Variants in MYO5A observed in about 807,000 individuals in gnomAD.
The protein encoded by MYO5A is unconventional myosin-Va.
MYO5A carries 98 observed loss-of-function variants against 249.7 expected under a neutral mutation model. The observed-to-expected ratio is 0.39, with a 90% CI of 0.33 to 0.46. The LOEUF (loss-of-function observed/expected upper bound fraction) is 0.46, where lower values mean the gene tolerates loss of function less well. Ranked by LOEUF, MYO5A falls within the 20% of genes least tolerant of loss-of-function variation. The pLI, the probability that MYO5A is intolerant of heterozygous loss-of-function variation, is 0.98. For missense variants in MYO5A, 1,696 were observed against 2,308.8 expected (o/e 0.73, Z 5.44); for synonymous variants, 778 against 810.6 (o/e 0.96, Z 0.68).
At chr15:52,324,001 TCAAAAAAAAAAAAAA>T (rs1465310415) in intron 36 of MYO5A, 1 of 11,180 alleles carries the variant, frequency 8.9e-5, no homozygotes, top group African/African-American at 1.7e-4. Flanking sequence ...AGACTCTGTC[TCAAAAAAAAAAAAAA>T]AAAAAAAAAA....
intron 20 of MYO5A, among the ~76,000 whole-genome samples, chr15:52,374,660 C>T (rs545264011): frequency 6.6e-6 from 1 of 152,330 alleles, no homozygotes; most frequent in Admixed American, 6.5e-5. Context: ...GATGTGGCTA[C>T]AAGCACAGGA....
intron 9 of MYO5A, among the ~76,000 whole-genome samples, chr15:52,398,764 G>A (rs1231835507): frequency 6.6e-6 from 1 of 152,196 alleles, no homozygotes; most frequent in Non-Finnish European, 1.5e-5. Context: ...TAAGGCAGGA[G>A]GATCACCTGA....
intron 36 of MYO5A, chr15:52,323,801 G>A (rs2038447458): frequency 3.3e-6 from 1 of 300,020 alleles, no homozygotes; most frequent in Non-Finnish European, 6.5e-6. Flanking sequence ...GTCAGGAGTT[G>A]GAGACCAGCC....
chr15:52,392,587 G>A (rs146116774), intron 11 of MYO5A, among the ~76,000 whole-genome samples: 1 of 152,324 alleles, frequency 6.6e-6, no homozygotes, highest in East Asian at 1.9e-4. Context: ...GATTATCTGT[G>A]ATAGTCATGG....
chr15:52,482,427 A>G (rs1035483073), intron 1 of MYO5A, among the ~76,000 whole-genome samples: 1 of 152,220 alleles, frequency 6.6e-6, no homozygotes, highest in East Asian at 1.9e-4. Flanking sequence ...AGAGGAGTCA[A>G]CATGATCCAT....
chr15:52,359,939 A>G (rs751384862), intron 25 of MYO5A, 29 bp downstream of exon 25: 22 of 1,483,722 alleles, frequency 1.5e-5, no homozygotes, highest in Non-Finnish European at 1.9e-5. Context: ...CTCATATCCT[A>G]CTTTCAGTGA....
intron 1 of MYO5A, among the ~76,000 whole-genome samples, chr15:52,470,353 T>G (rs1043627105): frequency 7.9e-5 from 12 of 152,196 alleles, no homozygotes; most frequent in Admixed American, 4.6e-4. Flanking sequence ...CAAAGGAACT[T>G]TAAAAGGCCA....
chr15:52,334,414 A>G (rs1489829257), intron 34 of MYO5A, among the ~76,000 whole-genome samples: 1 of 152,232 alleles, frequency 6.6e-6, no homozygotes, highest in East Asian at 1.9e-4. Flanking sequence ...TTCTCTGAAT[A>G]AAGATTTTTA....
At chr15:52,373,168 C>A (rs1478098650) in intron 20 of MYO5A, among the ~76,000 whole-genome samples, 1 of 151,464 alleles carries the variant, frequency 6.6e-6, no homozygotes, top group Non-Finnish European at 1.5e-5. Context: ...GTTACATTTC[C>A]TAAAAAAAAA....
chr15:52,415,642 TTAGC>T (rs1196780689), intron 5 of MYO5A, among the ~76,000 whole-genome samples: 1 of 152,186 alleles, frequency 6.6e-6, no homozygotes, highest in Non-Finnish European at 1.5e-5. Flanking sequence ...AATTAAAACT[TTAGC>T]TATATTAAAA....
intron 1 of MYO5A, among the ~76,000 whole-genome samples, chr15:52,496,587 AGAG>A (rs1384504861): frequency 1.3e-5 from 2 of 152,226 alleles, no homozygotes; most frequent in Non-Finnish European, 2.9e-5. Context: ...ACAGGGATCT[AGAG>A]GAGCTTTGAA....
At chr15:52,366,031 T>G (rs975771199) in intron 23 of MYO5A, among the ~76,000 whole-genome samples, 2 of 152,134 alleles carry the variant, frequency 1.3e-5, no homozygotes, top group African/African-American at 4.8e-5. Flanking sequence ...TTTTCTTCTC[T>G]TTCCTCAGTA....
chr15:52,398,168 C>T (rs1256493371), intron 9 of MYO5A, among the ~76,000 whole-genome samples: 1 of 152,124 alleles, frequency 6.6e-6, no homozygotes, highest in Non-Finnish European at 1.5e-5. Context: ...TGGTCTTTAT[C>T]CTTGAAGCAA....
intron 1 of MYO5A, among the ~76,000 whole-genome samples, chr15:52,501,173 T>A (rs1366067561): frequency 6.6e-6 from 1 of 151,944 alleles, no homozygotes; most frequent in Non-Finnish European, 1.5e-5. Flanking sequence ...GGGATTTACC[T>A]TGTTAGCCAG....
chr15:52,441,041 G>T (rs550104575), intron 1 of MYO5A, among the ~76,000 whole-genome samples: 1 of 152,296 alleles, frequency 6.6e-6, no homozygotes, highest in East Asian at 1.9e-4. Context: ...AAGCAGGGAA[G>T]AAATCCTGAA....
chr15:52,418,062 G>A (rs1815176), intron 4 of MYO5A, among the ~76,000 whole-genome samples: 22,458 of 152,138 alleles, frequency 0.15, 1,788 homozygotes, highest in Middle Eastern at 0.22. Context: ...AAGCAAGCAA[G>A]GACTACAGAA....
At chr15:52,447,503 G>A (rs2075917812) in intron 1 of MYO5A, among the ~76,000 whole-genome samples, 1 of 152,180 alleles carries the variant, frequency 6.6e-6, no homozygotes, top group African/African-American at 2.4e-5. Flanking sequence ...CTGGTAATGA[G>A]GTGTGGGGCA....
chr15:52,428,720 G>A (rs2075451188), intron 2 of MYO5A, 151 bp from the exon 3 acceptor site: 2 of 824,746 alleles, frequency 2.4e-6, no homozygotes, highest in African/African-American at 1.7e-5. Context: ...AGAAACTGGT[G>A]GAGATGGAAA....
intron 1 of MYO5A, among the ~76,000 whole-genome samples, chr15:52,515,248 G>C (rs1255501756): frequency 6.6e-6 from 1 of 151,088 alleles, no homozygotes; most frequent in African/African-American, 2.4e-5. Flanking sequence ...CTGCACTCCA[G>C]CCTGAGCAAC....
Sources: gnomAD v4.1 joint callset for allele counts (sites outside exome capture counted in the v4.1 genomes callset) on GRCh38, gnomAD v4.1.1 for gene constraint, MANE v1.5 for transcripts, NCBI Gene and HGNC (gene_info 2026-07-23, HGNC 2026-07-21) for gene names.